The following WAPL variants were observed in gnomAD, a reference collection of about 807,000 sequenced individuals.
WAPL encodes WAPL cohesin release factor.
WAPL carries 5 observed loss-of-function variants against 121.0 expected under a neutral mutation model. The ratio of observed to expected loss-of-function variants is 0.04; its 90% CI spans 0.02 to 0.09. The LOEUF (loss-of-function observed/expected upper bound fraction) is 0.09. Among genes scored for constraint, WAPL ranks in the 10% least tolerant of loss-of-function variants. The pLI is 1.00. For synonymous variants in WAPL, 480 were observed against 481.5 expected, an observed-to-expected ratio of 1.00 and a Z score of 0.04; for missense variants, 999 against 1,410.8, an observed-to-expected ratio of 0.71 and a Z score of 4.68.
At chr10:86,479,649 A>G (rs1344826414) in intron 4 of WAPL, among the ~76,000 whole-genome samples, 1 of 152,266 alleles carries the variant, frequency 6.6e-6, no homozygotes, top group Non-Finnish European at 1.5e-5. Context: ...ATGAAGACAA[A>G]ATAGTAAGCT....
intron 1 of WAPL, among the ~76,000 whole-genome samples, chr10:86,519,852 A>T (rs984125230): frequency 3.3e-5 from 5 of 152,236 alleles, no homozygotes; most frequent in African/African-American, 1.2e-4. Flanking sequence ...CCAAAGGCCA[A>T]ACCAAAAATC....
chr10:86,492,897 A>T (rs1247314078), intron 4 of WAPL, among the ~76,000 whole-genome samples: 1 of 152,084 alleles, frequency 6.6e-6, no homozygotes, highest in Non-Finnish European at 1.5e-5. Flanking sequence ...CTCTACCAAA[A>T]ATACAAAAAC....
In WAPL at chr10:86,466,791, G is replaced by A. The variant is rs1301881592; in HGVS notation, c.2370+488C>T. ...GGCTCACTGTACCCTCAAACTCCCC[G>A]GGCTCAGGATATTTCTCTGACCTAA... On this transcript the variant is annotated intron_variant, in intron 9 of 18. Transcript: ENST00000298767. Among the ~76,000 whole-genome samples the A allele has an allele frequency of 5.9e-5, 9 of 151,870 alleles. No individual in the cohort carries two copies. In the South Asian group the frequency reaches 1.0e-3, roughly 18 times the overall value.
intron 1 of WAPL, 147 bp downstream of exon 1, chr10:86,521,218 A>G: frequency 5.1e-6 from 1 of 196,256 alleles, no homozygotes; most frequent in South Asian, 7.1e-5. Flanking sequence ...GGGGAAAAAA[A>G]GAGTTCCTCA....
At chr10:86,458,102 C>T (rs1473406536) in intron 12 of WAPL, among the ~76,000 whole-genome samples, 1 of 152,122 alleles carries the variant, frequency 6.6e-6, no homozygotes, top group Non-Finnish European at 1.5e-5. Flanking sequence ...ATAAGGCTGA[C>T]TTCAATAAGA....
At chr10:86,494,535 T>C (rs1194038025) in intron 4 of WAPL, among the ~76,000 whole-genome samples, 2 of 152,250 alleles carry the variant, frequency 1.3e-5, no homozygotes, top group Admixed American at 6.5e-5. Context: ...AGAGAACTTG[T>C]ATCTACCACT....
chr10:86,482,192 T>C (rs1841806738), intron 4 of WAPL, among the ~76,000 whole-genome samples: 1 of 152,200 alleles, frequency 6.6e-6, no homozygotes, highest in Non-Finnish European at 1.5e-5. Flanking sequence ...AATGTGCTGC[T>C]GCTGTTGTTC....
At position 86,460,437 on chromosome 10, in the gene WAPL, G is replaced by A. The variant is rs766206537; in HGVS notation, c.2542C>T (p.Leu848=). The A allele has an allele frequency of 6.2e-7, 1 of 1,613,802 alleles. No individual in the cohort carries two copies. The part of the protein sequence containing the change: ...DEDEEKLVAS[L]WGAERCLRVL... Reference sequence around the variant, plus strand: ...CGTAAACATCTCTCTGCTCCCCATAGTGAGGCTACCAGTTTCTCTTCATCC... The same window carrying A: ...CGTAAACATCTCTCTGCTCCCCATAATGAGGCTACCAGTTTCTCTTCATCC... Residue 848 remains leucine, a synonymous_variant, in exon 11 of 19, where the codon CTA becomes TTA. Transcript: ENST00000298767.
intron 1 of WAPL, among the ~76,000 whole-genome samples, chr10:86,520,903 A>T (rs892477462): frequency 6.6e-6 from 1 of 152,148 alleles, no homozygotes; most frequent in Non-Finnish European, 1.5e-5. Context: ...CTGACTAACC[A>T]GAAATCCTCA....
rs185450376 is a variant in WAPL at position 86,468,822 on chromosome 10, C to T, written c.2143-1316G>A. Among the ~76,000 whole-genome samples, 550 of 151,980 alleles carry T rather than the reference C, an allele frequency of 3.6e-3. 2 individuals carry two copies. The highest frequency in any genetic ancestry group is 5.7e-3 in the Non-Finnish European group (389 of 67,976). On this transcript the variant is annotated intron_variant, in intron 8 of 18. Coordinates refer to ENST00000298767, the MANE Select transcript of WAPL (RefSeq NM_015045.5). Reference sequence around the variant, plus strand: ...TATTAAAAATACAAAAAAATTAGGCCGGGCGCAGTGGCTCACGTCTGTAAT... The same window carrying T: ...TATTAAAAATACAAAAAAATTAGGCTGGGCGCAGTGGCTCACGTCTGTAAT...
chr10:86,492,111 G>A (rs913979338), intron 4 of WAPL, among the ~76,000 whole-genome samples: 10 of 152,252 alleles, frequency 6.6e-5, no homozygotes, highest in East Asian at 1.9e-4. Context: ...AGATCATGCC[G>A]TTTTTAATAT....
chr10:86,482,046 T>C (rs1841803473), intron 4 of WAPL, among the ~76,000 whole-genome samples: 1 of 152,218 alleles, frequency 6.6e-6, no homozygotes, highest in South Asian at 2.1e-4. Context: ...TATTTGACTT[T>C]ATACCCTCAA....
At chr10:86,460,088 G>A (rs1307275263) in intron 11 of WAPL, among the ~76,000 whole-genome samples, 1 of 152,194 alleles carries the variant, frequency 6.6e-6, no homozygotes, top group African/African-American at 2.4e-5. Flanking sequence ...ACTGTAGCCT[G>A]GGTGACAGAG....
At chr10:86,513,509 T>A (rs1365069798) in intron 2 of WAPL, among the ~76,000 whole-genome samples, 1 of 151,036 alleles carries the variant, frequency 6.6e-6, no homozygotes, top group Non-Finnish European at 1.5e-5. Flanking sequence ...ATTTTTGTAT[T>A]TTTTTTAGTA....
At chr10:86,505,920 A>C (rs10887620) in intron 2 of WAPL, among the ~76,000 whole-genome samples, 3,232 of 152,302 alleles carry the variant, frequency 0.021, 64 homozygotes, top group Non-Finnish European at 0.034. Context: ...AAAAATTTTA[A>C]AAAGAGAATG....
chr10:86,520,638 A>G (rs956878633), intron 1 of WAPL, among the ~76,000 whole-genome samples: 2 of 152,174 alleles, frequency 1.3e-5, no homozygotes, highest in Non-Finnish European at 2.9e-5. Flanking sequence ...AATCTTGCTC[A>G]ACCTTTAAAC....
intron 2 of WAPL, among the ~76,000 whole-genome samples, chr10:86,507,741 C>G (rs1172804840): frequency 6.6e-6 from 1 of 151,618 alleles, no homozygotes; most frequent in South Asian, 2.1e-4. Context: ...TTAATCACAA[C>G]CTACCAACCA....
At chr10:86,458,917 T>C (rs1427347605) in intron 12 of WAPL, 72 bp downstream of exon 12, 1 of 1,283,400 alleles carries the variant, frequency 7.8e-7, no homozygotes, top group Admixed American at 2.2e-5. Context: ...CAAATTTCTT[T>C]CATTTATGGT....
chr10:86,506,822 TC>T (rs370976887), intron 2 of WAPL, among the ~76,000 whole-genome samples: 5 of 151,846 alleles, frequency 3.3e-5, no homozygotes, highest in African/African-American at 9.7e-5. Context: ...TGGGGTTCAT[TC>T]TTTCTACCAC....
Sources: gnomAD v4.1 joint callset for allele counts (sites outside exome capture counted in the v4.1 genomes callset) on GRCh38, gnomAD v4.1.1 for gene constraint, MANE v1.5 for transcripts, NCBI Gene and HGNC (gene_info 2026-07-23, HGNC 2026-07-21) for gene names.